USH2A: variants seen among roughly 807,000 people sequenced by gnomAD.
USH2A encodes usherin, also known as Usher syndrome 2A (autosomal recessive, mild).
USH2A carries 443 observed loss-of-function variants against 538.9 expected under a neutral mutation model. The ratio of observed to expected loss-of-function variants is 0.82; its 90% CI spans 0.76 to 0.89. USH2A has a LOEUF of 0.89. USH2A is among the 40% of genes least tolerant of loss of function. The pLI is 0.00. For synonymous variants in USH2A, 2,413 were observed against 2,273.5 expected (o/e 1.06, Z -1.75); for missense variants, 6,633 against 6,324.8 (o/e 1.05, Z -1.65).
At chr1:215,796,459 G>T (rs1020514074) in intron 50 of USH2A, among the ~76,000 whole-genome samples, 2 of 150,860 alleles carry the variant, frequency 1.3e-5, no homozygotes, top group African/African-American at 4.9e-5. Context: ...TTATATTTGT[G>T]GTCAATGACC....
intron 55 of USH2A, among the ~76,000 whole-genome samples, chr1:215,768,786 C>G (rs1231434718): frequency 6.6e-6 from 1 of 152,124 alleles, no homozygotes; most frequent in Non-Finnish European, 1.5e-5. Flanking sequence ...GGGGTCTTGA[C>G]CAGTGTGATA....
At chr1:216,291,028 C>T (rs919833555) in intron 10 of USH2A, among the ~76,000 whole-genome samples, 2 of 152,080 alleles carry the variant, frequency 1.3e-5, no homozygotes, top group African/African-American at 4.8e-5. Flanking sequence ...ACTAGTTTTC[C>T]CCAACCACTC....
intron 60 of USH2A, among the ~76,000 whole-genome samples, chr1:215,733,201 G>GT (rs1660056825): frequency 7.1e-6 from 1 of 140,628 alleles, no homozygotes; most frequent in Non-Finnish European, 1.5e-5. Flanking sequence ...AGGTGGCGGG[G>GT]GGGCGGGGGG....
In USH2A at chr1:216,174,656, T is replaced by C. The variant is rs1036513961; in HGVS notation, c.4627+596A>G. The C allele has an allele frequency of 2.1e-4, 206 of 985,824 alleles. 1 individual carries two copies. The Middle Eastern group carries it at 2.6e-3, about 13-fold the overall frequency. The allele number at this position is 985,824 out of a possible 1,614,324, so 61.1% of individuals were successfully genotyped here. A position where few individuals can be genotyped will look rare whatever the true frequency, so the allele number is the denominator to read the frequency against. ...AACAAGAGCCTCACTTGCTTTACCA[T>C]AGTCCTGGCTTAGAGAAGTTATCTT... is the stretch of plus-strand genomic sequence containing the variant. On this transcript the variant is annotated intron_variant, in intron 21 of 71. Transcript: ENST00000307340.
At chr1:216,186,139 A>G (rs1436591728) in intron 20 of USH2A, among the ~76,000 whole-genome samples, 1 of 151,894 alleles carries the variant, frequency 6.6e-6, no homozygotes, top group Admixed American at 6.6e-5. Flanking sequence ...TTCTTTAGAA[A>G]AGAAAGGATT....
chr1:215,677,091 A>T (rs1658057477), intron 62 of USH2A, among the ~76,000 whole-genome samples: 1 of 152,150 alleles, frequency 6.6e-6, no homozygotes, highest in South Asian at 2.1e-4. Flanking sequence ...ACATAACCAC[A>T]TCGTTCACTG....
chr1:216,041,476 C>T (rs2030271307), intron 32 of USH2A, among the ~76,000 whole-genome samples: 1 of 152,000 alleles, frequency 6.6e-6, no homozygotes, highest in Non-Finnish European at 1.5e-5. Flanking sequence ...CAGCAAGATC[C>T]ACTGGCAAAC....
At chr1:215,809,971 C>T (rs144052568) in intron 49 of USH2A, among the ~76,000 whole-genome samples, 1,751 of 152,172 alleles carry the variant, frequency 0.012, 34 homozygotes, top group African/African-American at 0.038. Context: ...ACAAAGACCA[C>T]GGGGCTGAGG....
chr1:216,421,780 T>A, intron 2 of USH2A, 72 bp downstream of exon 2: 2 of 1,609,046 alleles, frequency 1.2e-6, no homozygotes, highest in Admixed American at 1.7e-5. Flanking sequence ...GGTTTGGAAT[T>A]CAGGCTGAAA....
chr1:215,813,132 T>A (rs1662744472), intron 49 of USH2A, among the ~76,000 whole-genome samples: 1 of 152,224 alleles, frequency 6.6e-6, no homozygotes, highest in African/African-American at 2.4e-5. Context: ...TTCCCAATTA[T>A]ATTCACTAGG....
chr1:215,743,386 A>ATATGTGTGTG lies in USH2A; in HGVS notation c.11390-52_11390-51insCACACACATA, dbSNP rs878870284. Reference sequence around the variant, plus strand: ...ACATTAAAAACATATATATATATATATGTGTGTGTGTGTGTGTGTGTGTGT... The same window carrying ATATGTGTGTG: ...ACATTAAAAACATATATATATATATATATGTGTGTGTGTGTGTGTGTGTGTGTGTGTGTGT... On this transcript the variant is annotated intron_variant, in intron 58 of 71. Transcript: ENST00000307340. 60 of 328,556 alleles carry ATATGTGTGTG rather than the reference A, an allele frequency of 1.8e-4. 1 individual carries two copies. Among genetic ancestry groups the ATATGTGTGTG allele is most frequent in the South Asian group, 7.2e-4 (24 of 33,116 alleles). 20.4% of individuals were successfully genotyped at this position (328,556 alleles called of 1,614,324 possible).
chr1:216,324,610 A>G (rs2037693329), intron 6 of USH2A, among the ~76,000 whole-genome samples: 1 of 152,186 alleles, frequency 6.6e-6, no homozygotes, highest in Non-Finnish European at 1.5e-5. Flanking sequence ...CATTACTTCT[A>G]TGAAATAAAT....
At chr1:215,681,010 T>C (rs899058988) in intron 61 of USH2A, among the ~76,000 whole-genome samples, 2 of 152,196 alleles carry the variant, frequency 1.3e-5, no homozygotes, top group African/African-American at 4.8e-5. Flanking sequence ...ATATTTTCAT[T>C]TGTTAAAAGC....
rs1032277620 is a variant in USH2A, at chr1:215,658,717, G to A, written c.14134-7916C>T. Among the ~76,000 whole-genome samples, 26 of 152,260 alleles carry A rather than the reference G, an allele frequency of 1.7e-4. 1 individual carries two copies. Among genetic ancestry groups the A allele is most frequent in the South Asian group, 6.2e-4 (3 of 4,824 alleles). On this transcript the variant is annotated intron_variant, in intron 64 of 71. Transcript: ENST00000307340. ...ACAAACAACGTGACATCCATCTCTC[G>A]TGCCACTTATCATGCTTTCAGCAAT... is the stretch of plus-strand genomic sequence containing the variant.
chr1:216,363,839 G>A (rs1307136572), intron 4 of USH2A, among the ~76,000 whole-genome samples: 1 of 151,742 alleles, frequency 6.6e-6, no homozygotes, highest in African/African-American at 2.4e-5. Context: ...TTTATTTTTA[G>A]AAGGCTCAGA....
At chr1:216,327,296 G>C (rs1207607588) in intron 5 of USH2A, among the ~76,000 whole-genome samples, 1 of 152,056 alleles carries the variant, frequency 6.6e-6, no homozygotes, top group Non-Finnish European at 1.5e-5. Context: ...ACCTCATATA[G>C]AAAATTTAAG....
At chr1:215,671,527 C>G (rs1352572708) in intron 63 of USH2A, among the ~76,000 whole-genome samples, 1 of 150,694 alleles carries the variant, frequency 6.6e-6, no homozygotes, top group Non-Finnish European at 1.5e-5. Context: ...GACTCTGTCT[C>G]AAAAAAAAAT....
chr1:216,035,629 T>C (rs191431350), intron 32 of USH2A, among the ~76,000 whole-genome samples: 13 of 152,306 alleles, frequency 8.5e-5, no homozygotes, highest in Non-Finnish European at 4.4e-5. Flanking sequence ...ATATTTGCTA[T>C]ATATTGGATG....
intron 20 of USH2A, among the ~76,000 whole-genome samples, chr1:216,181,742 C>G (rs2034497795): frequency 6.6e-6 from 1 of 152,010 alleles, no homozygotes; most frequent in Non-Finnish European, 1.5e-5. Context: ...AAACTTGAAG[C>G]TTTTATGGGG....
Sources: allele counts gnomAD v4.1 joint callset (sites outside exome capture counted in the v4.1 genomes callset), GRCh38; gene constraint gnomAD v4.1.1; transcripts MANE v1.5; gene names NCBI Gene and HGNC (gene_info 2026-07-23, HGNC 2026-07-21).